RAPGEF5: variants seen among roughly 807,000 people sequenced by gnomAD.
RAPGEF5 encodes M-Ras-regulated GEF.
RAPGEF5 carries 65 observed loss-of-function variants against 125.2 expected under a neutral mutation model. That is an observed-to-expected ratio of 0.52 (90% CI 0.43 to 0.64). RAPGEF5 has a LOEUF of 0.64. Ranked by LOEUF, RAPGEF5 falls within the 30% of genes least tolerant of loss-of-function variation. The pLI is 0.00. For synonymous variants in RAPGEF5, 391 were observed against 385.9 expected, an observed-to-expected ratio of 1.01 and a Z score of -0.16; for missense variants, 958 against 1,048.1, an observed-to-expected ratio of 0.91 and a Z score of 1.19.
chr7:22,340,826 G>C (rs1784112900), intron 1 of RAPGEF5, among the ~76,000 whole-genome samples: 1 of 152,192 alleles, frequency 6.6e-6, no homozygotes, highest in Non-Finnish European at 1.5e-5. Flanking sequence ...GCAGATTTGG[G>C]CTCCTGTCCT....
intron 5 of RAPGEF5, among the ~76,000 whole-genome samples, chr7:22,298,201 G>C (rs144140045): frequency 0.014 from 2,023 of 148,572 alleles, 45 homozygotes; most frequent in African/African-American, 0.047. Context: ...TTTTGAGACG[G>C]AGTTTCACTC....
At chr7:22,325,540 GAGT>G (rs1244164175) in intron 1 of RAPGEF5, among the ~76,000 whole-genome samples, 3 of 152,116 alleles carry the variant, frequency 2.0e-5, no homozygotes, top group African/African-American at 7.2e-5. Flanking sequence ...TACACAGAGG[GAGT>G]AGATATGACT....
intron 8 of RAPGEF5, among the ~76,000 whole-genome samples, chr7:22,222,750 G>A (rs942117802): frequency 6.6e-6 from 1 of 152,208 alleles, no homozygotes; most frequent in Non-Finnish European, 1.5e-5. Context: ...CATTTTAGCA[G>A]GATCATTGTA....
At chr7:22,203,726 G>C (rs1785332543) in intron 9 of RAPGEF5, among the ~76,000 whole-genome samples, 1 of 152,084 alleles carries the variant, frequency 6.6e-6, no homozygotes, top group Non-Finnish European at 1.5e-5. Context: ...GAGATTTTTT[G>C]AGCCACTTAC....
At chr7:22,312,212 CTT>C (rs796272787) in intron 3 of RAPGEF5, among the ~76,000 whole-genome samples, 6 of 143,924 alleles carry the variant, frequency 4.2e-5, no homozygotes, top group Non-Finnish European at 6.1e-5. Context: ...TTCCACATTC[CTT>C]TTTTTTTTTT....
chr7:22,196,602 T>G (rs1240419158), intron 9 of RAPGEF5, among the ~76,000 whole-genome samples: 5 of 152,140 alleles, frequency 3.3e-5, no homozygotes. Context: ...TAAGTATAAC[T>G]GGGTCAGCAC....
At position 22,167,100 on chromosome 7, in the gene RAPGEF5, G is replaced by A; in HGVS notation, c.1253C>T (p.Thr418Ile). 2.5e-6 allele frequency: 4 copies of A among 1,613,210 alleles called. No individual in the cohort carries two copies. Among genetic ancestry groups the A allele is most frequent in the Non-Finnish European group, 2.5e-6 (3 of 1,179,482 alleles). The change falls in exon 12 of 26, where the codon ACT becomes ATT. Residue 418 changes from threonine to isoleucine, a missense_variant. By Grantham distance (89) the Thr-to-Ile change is moderately conservative (BLOSUM62 -1). Coordinates refer to ENST00000665637, the MANE Select transcript of RAPGEF5 (RefSeq NM_012294.5). ...TAACAGAGCCTGGCACAAGTCATCAGTTGTCATGAAGACAGTGTACGTGAG... is the reference window on the plus strand; with the variant it reads ...TAACAGAGCCTGGCACAAGTCATCAATTGTCATGAAGACAGTGTACGTGAG... ...FLLTYTVFMT[T>I]DDLCQALLRH...
At chr7:22,331,744 CA>C (rs11406166) in intron 1 of RAPGEF5, among the ~76,000 whole-genome samples, 405 of 94,858 alleles carry the variant, frequency 4.3e-3, no homozygotes, top group African/African-American at 0.013. Context: ...GACTCCATCT[CA>C]AAAAAAAAAA....
chr7:22,173,434 A>G (rs1047878174), intron 11 of RAPGEF5, among the ~76,000 whole-genome samples: 3 of 152,184 alleles, frequency 2.0e-5, no homozygotes, highest in African/African-American at 7.2e-5. Context: ...ACATAACCAA[A>G]TCTTGAGATC....
chr7:22,224,173 T>C (rs190179178), intron 8 of RAPGEF5, among the ~76,000 whole-genome samples: 3 of 152,198 alleles, frequency 2.0e-5, no homozygotes, highest in Admixed American at 2.0e-4. Context: ...GATCCTTTTA[T>C]GCTCCTAGCC....
intron 16 of RAPGEF5, 63 bp from the exon 17 acceptor site, chr7:22,154,667 C>CTTTTTTTTTTT: frequency 6.5e-7 from 1 of 1,543,552 alleles, no homozygotes; most frequent in Middle Eastern, 2.2e-4. Context: ...TAGACTTTTC[C>CTTTTTTTTTTT]AAATCAAGGC....
At chr7:22,344,788 T>G (rs1267802912) in intron 1 of RAPGEF5, among the ~76,000 whole-genome samples, 1 of 152,248 alleles carries the variant, frequency 6.6e-6, no homozygotes, top group African/African-American at 2.4e-5. Context: ...CCAGTTACTC[T>G]GCAGAAACCA....
intron 1 of RAPGEF5, among the ~76,000 whole-genome samples, chr7:22,335,860 CCA>C (rs1351474597): frequency 6.6e-6 from 1 of 152,104 alleles, no homozygotes; most frequent in African/African-American, 2.4e-5. Flanking sequence ...ATGCAAACGA[CCA>C]CACTTATAAT....
chr7:22,214,039 C>T (rs1785571754), intron 9 of RAPGEF5, among the ~76,000 whole-genome samples: 1 of 152,148 alleles, frequency 6.6e-6, no homozygotes, highest in South Asian at 2.1e-4. Context: ...ATAAGTGTGA[C>T]AGTAGCCAGA....
chr7:22,220,199 G>A (rs546745381), intron 8 of RAPGEF5: 14 of 565,722 alleles, frequency 2.5e-5, no homozygotes, highest in South Asian at 8.1e-5. Flanking sequence ...TTGAGTCTGC[G>A]TATCACCCTA....
intron 3 of RAPGEF5, among the ~76,000 whole-genome samples, chr7:22,313,429 G>A (rs1449433113): frequency 6.6e-6 from 1 of 152,192 alleles, no homozygotes; most frequent in Non-Finnish European, 1.5e-5. Context: ...AAATGAAAAT[G>A]ATTCATCCCT....
chr7:22,284,007 G>A (rs2128145463), intron 6 of RAPGEF5, among the ~76,000 whole-genome samples: 1 of 152,014 alleles, frequency 6.6e-6, no homozygotes, highest in Non-Finnish European at 1.5e-5. Flanking sequence ...CACAATCTGG[G>A]TAGATTTTGA....
chr7:22,345,701 T>C (rs1583594601), intron 1 of RAPGEF5, among the ~76,000 whole-genome samples: 3 of 136,454 alleles, frequency 2.2e-5, no homozygotes, highest in Non-Finnish European at 3.3e-5. Context: ...GGCAGCTTTT[T>C]TTTTTTTTTT....
intron 6 of RAPGEF5, among the ~76,000 whole-genome samples, chr7:22,289,786 G>A (rs1304264588): frequency 2.6e-5 from 4 of 152,140 alleles, no homozygotes; most frequent in Admixed American, 1.3e-4. Flanking sequence ...GGAAGTGATT[G>A]TATCACGGGG....
Sources: gnomAD v4.1 joint callset for allele counts (sites outside exome capture counted in the v4.1 genomes callset) on GRCh38, gnomAD v4.1.1 for gene constraint, MANE v1.5 for transcripts, NCBI Gene and HGNC (gene_info 2026-07-23, HGNC 2026-07-21) for gene names.